EXOSC10: variants seen among roughly 807,000 people sequenced by gnomAD.
The protein encoded by EXOSC10 is exosome component 10, also known as exosome complex component 10.
Under a neutral mutation model 126.6 loss-of-function variants are expected in EXOSC10, and 94 were observed. The observed-to-expected ratio is 0.74, with a 90% CI of 0.63 to 0.88. EXOSC10 has a LOEUF of 0.88. EXOSC10 is among the 40% of genes least tolerant of loss of function. The pLI is 0.00. For synonymous variants in EXOSC10, 395 were observed against 400.8 expected (o/e 0.99, Z 0.17); for missense variants, 1,041 against 1,100.5 (o/e 0.95, Z 0.77).
chr1:11,077,437 C>T lies in EXOSC10; in HGVS notation c.1807G>A (p.Glu603Lys), dbSNP rs773873451. The T allele has an allele frequency of 9.3e-6, 15 of 1,613,962 alleles. No homozygotes were observed. The highest frequency in any genetic ancestry group is 1.3e-5 in the Non-Finnish European group (15 of 1,179,876). ...TCGTGAGGTCCAAAGAGAACATTCT[C>T]CAATCTCTGCATTAAAAGACACCAG... ...SGPLPSAERL[E>K]NVLFGPHDCS... The change falls in exon 16 of 25, where the codon GAG (glutamate) becomes AAG (lysine). Residue 603 changes from glutamate (E) to lysine (K), a missense_variant. Coordinates refer to ENST00000376936, the MANE Select transcript of EXOSC10 (RefSeq NM_001001998.3).
chr1:11,091,595 A>G lies in EXOSC10; in HGVS notation c.375T>C (p.Gly125=), dbSNP rs1204604890. 3.1e-6 allele frequency: 5 copies of G among 1,612,438 alleles called. No homozygotes were observed. Among genetic ancestry groups the G allele is most frequent in the Non-Finnish European group, 4.2e-6 (5 of 1,178,554 alleles). The change falls in exon 4 of 25, where the codon GGT becomes GGC. Residue 125 remains glycine (G), a splice_region_variant and synonymous_variant. Transcript: ENST00000376936. ...CACCTGAGGCTTCATCCAGTAAAAT[A>G]CCCTAAGAGTAGAAGAGGTACTGGT... ...DANDVILERV[G]ILLDEASGVN...
chr1:11,079,781 G>T lies in EXOSC10; in HGVS notation c.1679C>A (p.Pro560His), dbSNP rs1271213234. The T allele has an allele frequency of 6.2e-7, 1 of 1,613,804 alleles. No individual in the cohort carries two copies. The highest frequency in any genetic ancestry group is 8.5e-7 in the Non-Finnish European group (1 of 1,179,888). ...TTCGTTGATCTGCTGCCGCACAAGG[G>T]GCGGTACTGGGTTGCAGCAAGCTAT... ...GIIACCNPVP[P>H]LVRQQINEMH... is the part of the protein sequence containing the mutation. Residue 560 changes from proline (P) to histidine (H), a missense_variant, in exon 14 of 25, where the codon CCC (proline) becomes CAC (histidine). Transcript: ENST00000376936.
chr1:11,095,864 T>C lies in EXOSC10; in HGVS notation c.266A>G (p.Gln89Arg). ...RLLQCMSRVM[Q>R]YHGCRSNIKD... ...AATGTTGCTGCGACACCCATGGTACTGCATTACTCTGCTCATGCTAAGGAA... is the reference window on the plus strand; with the variant it reads ...AATGTTGCTGCGACACCCATGGTACCGCATTACTCTGCTCATGCTAAGGAA... Residue 89 changes from glutamine to arginine, a missense_variant, in exon 3 of 25, where the codon CAG becomes CGG. This residue lies in a region of EXOSC10 where 645 missense variants were observed against 656.3 expected (regional missense o/e 0.98). Transcript: ENST00000376936. 1 of 1,613,590 alleles carries C rather than the reference T, an allele frequency of 6.2e-7. No homozygotes were observed.
chr1:11,069,473 T>C (rs1639325692), intron 22 of EXOSC10, 86 bp downstream of exon 22: 11 of 1,428,890 alleles, frequency 7.7e-6, no homozygotes, highest in Middle Eastern at 2.3e-4. Context: ...CAGGACTCAC[T>C]TGGCCCCTAT....
chr1:11,069,244 T>TGTGTGTGTGTGTGTGAGAGAGAGAGAGA, intron 22 of EXOSC10, among the ~76,000 whole-genome samples: 69 of 116,870 alleles, frequency 5.9e-4, no homozygotes, highest in East Asian at 3.7e-3. Context: ...TGTGTGTGTG[T>TGTGTGTGTGTGTGTGAGAGAGAGAGAGA]GAGAGAGAGA....
At chr1:11,071,959 C>G in intron 20 of EXOSC10, 128 bp downstream of exon 20, 1 of 709,808 alleles carries the variant, frequency 1.4e-6, no homozygotes, top group East Asian at 2.5e-5. Flanking sequence ...GATTGCCCAC[C>G]ATCCCTCAGC....
At position 11,087,580 on chromosome 1, in the gene EXOSC10, G is replaced by T. The variant is rs139438019; in HGVS notation, c.957C>A (p.Tyr319Ter). ...EFAVDLEHHSYRSFLGLTCLM... is the reference protein window; with the variant it reads ...EFAVDLEHHS ...GGCAGGTCAGTCCCAGGAAGCTCCT[G>T]TAAGAGTGGTGCTAAACCCCACAGA... Residue 319 changes from tyrosine (Y) to a stop codon, truncating the protein, a stop_gained, in exon 9 of 25, where the codon TAC becomes TAA. Coordinates refer to ENST00000376936, the MANE Select transcript of EXOSC10 (RefSeq NM_001001998.3). LOFTEE classifies it high-confidence loss of function. 23 of 1,614,022 alleles carry T rather than the reference G, an allele frequency of 1.4e-5. No individual in the cohort carries two copies. The highest frequency in any genetic ancestry group is 1.9e-5 in the Non-Finnish European group (22 of 1,180,038).
At chr1:11,071,953 G>T in intron 20 of EXOSC10, 134 bp downstream of exon 20, 2 of 678,978 alleles carry the variant, frequency 2.9e-6, no homozygotes, top group Non-Finnish European at 2.6e-6. Flanking sequence ...GATACTGATT[G>T]CCCACCATCC....
chr1:11,067,439 A>G (rs1329623406), intron 24 of EXOSC10, among the ~76,000 whole-genome samples: 1 of 20,442 alleles, frequency 4.9e-5, no homozygotes, highest in Non-Finnish European at 2.7e-4. Flanking sequence ...CTCAAAGAAG[A>G]AAAAAAAAAA....
chr1:11,086,238 A>C (rs944008667), intron 9 of EXOSC10, among the ~76,000 whole-genome samples: 46 of 152,098 alleles, frequency 3.0e-4, no homozygotes, highest in Non-Finnish European at 5.1e-4. Context: ...TCGGCTGTGA[A>C]TCCATCTGGT....
At chr1:11,083,014 G>C (rs536595376) in intron 9 of EXOSC10, 136 bp from the exon 10 acceptor site, 2 of 707,082 alleles carry the variant, frequency 2.8e-6, no homozygotes, top group African/African-American at 1.8e-5. Context: ...GCAGTGGTGT[G>C]ATCTTGGCTC....
At chr1:11,096,305 C>A (rs766428554) in intron 2 of EXOSC10, among the ~76,000 whole-genome samples, 8 of 151,976 alleles carry the variant, frequency 5.3e-5, no homozygotes, top group Non-Finnish European at 1.0e-4. Context: ...CACACGCCAC[C>A]AGGTCTGGCT....
At chr1:11,086,355 T>G (rs1446460037) in intron 9 of EXOSC10, among the ~76,000 whole-genome samples, 1 of 152,176 alleles carries the variant, frequency 6.6e-6, no homozygotes, top group Non-Finnish European at 1.5e-5. Context: ...CTTGGAAGAG[T>G]GTATGTGTCG....
In EXOSC10 at chr1:11,077,607, A is replaced by C; in HGVS notation, c.1794T>G (p.Ser598Arg). The change falls in exon 15 of 25, where the codon AGT becomes AGG. Residue 598 changes from serine (S) to arginine (R), a missense_variant. Coordinates refer to ENST00000376936, the MANE Select transcript of EXOSC10 (RefSeq NM_001001998.3). ...AGVKKSGPLP[S>R]AERLENVLFG... ...AACAGATCCGACACTCTACCTCAGC[A>C]CTGGGCAGCGGTCCGCTCTTCTTCA... 6.2e-7 allele frequency: 1 copy of C among 1,613,882 alleles called. No individual in the cohort carries two copies. Among genetic ancestry groups the C allele is most frequent in the East Asian group, 2.2e-5 (1 of 44,866 alleles).
intron 17 of EXOSC10, among the ~76,000 whole-genome samples, chr1:11,074,537 T>C (rs12118686): frequency 0.072 from 10,932 of 151,618 alleles, 613 homozygotes; most frequent in East Asian, 0.15. Context: ...CTCAGCCTCC[T>C]GAGTAGCTGG....
Position 11,095,870 on chromosome 1 carries a change from A to T in EXOSC10, c.260T>A (p.Val87Glu), listed in dbSNP as rs766298657. ...GDRLLQCMSR[V>E]MQYHGCRSNI... ...GCTGCGACACCCATGGTACTGCATT[A>T]CTCTGCTCATGCTAAGGAAAGGAAA... The change falls in exon 3 of 25, where the codon GTA (valine) becomes GAA (glutamate). Residue 87 changes from valine to glutamate, a missense_variant. Physicochemically the swap from Val to Glu is moderately radical, Grantham distance 121. Around this residue, in one of 3 missense-constraint regions of EXOSC10, gnomAD observed 645 missense variants for 656.3 expected, o/e 0.98. Coordinates refer to ENST00000376936, the MANE Select transcript of EXOSC10 (RefSeq NM_001001998.3). 2 of 1,612,794 alleles carry T rather than the reference A, an allele frequency of 1.2e-6. No homozygotes were observed. Among genetic ancestry groups the T allele is most frequent in the East Asian group, 4.5e-5 (2 of 44,866 alleles).
rs2258621 is a variant in EXOSC10, at chr1:11,081,130, C to G, written c.1389G>C (p.Pro463=). The change falls in exon 11 of 25, where the codon CCG becomes CCC. Residue 463 remains proline, a synonymous_variant. Transcript: ENST00000376936. The part of the protein sequence containing the change: ...LEMWERGNGQ[P]VQLQVVWQRS... The stretch of plus-strand genomic sequence containing the variant: ...GTTGCCACACCACCTGCAGCTGCAC[C>G]GGCTGCCCGTTGCCGCGCTCCCACA... The G allele has an allele frequency of 0.76, 1,234,544 of 1,613,924 alleles. 475,770 individuals carry two copies. The highest frequency in any genetic ancestry group is 0.94 in the East Asian group (42,173 of 44,882).
chr1:11,089,901 G>A (rs1640707627), intron 6 of EXOSC10, among the ~76,000 whole-genome samples: 1 of 151,990 alleles, frequency 6.6e-6, no homozygotes, highest in Admixed American at 6.6e-5. Flanking sequence ...CTGTGTTCAT[G>A]CCACCACACT....
chr1:11,087,379 A>G, intron 9 of EXOSC10, 69 bp downstream of exon 9: 2 of 1,573,016 alleles, frequency 1.3e-6, no homozygotes, highest in East Asian at 2.2e-5. Flanking sequence ...AAATAATGAA[A>G]TAGTACACTG....
Sources: gnomAD v4.1 joint callset for allele counts (sites outside exome capture counted in the v4.1 genomes callset) on GRCh38, gnomAD v4.1.1 for gene constraint, gnomAD v4.1.1 regional missense constraint, MANE v1.5 for transcripts, NCBI Gene and HGNC (gene_info 2026-07-23, HGNC 2026-07-21) for gene names.